The following TTC28 variants were observed in gnomAD, a reference collection of about 807,000 sequenced individuals.
TTC28 encodes the protein tetratricopeptide repeat domain 28.
Under a neutral mutation model 198.0 loss-of-function variants are expected in TTC28, and 61 were observed. The ratio of observed to expected loss-of-function variants is 0.31; its 90% CI spans 0.25 to 0.38. The LOEUF (loss-of-function observed/expected upper bound fraction) is 0.38, where lower values mean the gene tolerates loss of function less well. Among genes scored for constraint, TTC28 ranks in the 10% least tolerant of loss-of-function variants. The pLI is 1.00. For synonymous variants in TTC28, 1,171 were observed against 1,297.8 expected (o/e 0.90, Z 2.10); for missense variants, 2,678 against 3,164.0 (o/e 0.85, Z 3.69).
At chr22:28,477,175 C>T (rs2048179232) in intron 2 of TTC28, among the ~76,000 whole-genome samples, 1 of 152,180 alleles carries the variant, frequency 6.6e-6, no homozygotes, top group South Asian at 2.1e-4. Context: ...AAATGTTCAA[C>T]ATCTTACTGA....
intron 12 of TTC28, among the ~76,000 whole-genome samples, chr22:28,037,639 T>A (rs1327314327): frequency 1.3e-5 from 2 of 152,160 alleles, no homozygotes; most frequent in Non-Finnish European, 2.9e-5. Context: ...ACCACTCCTA[T>A]TCAACATAGT....
chr22:28,669,940 G>C lies in TTC28; in HGVS notation c.102+9682C>G, dbSNP rs998636931. Reference sequence around the variant, plus strand: ...CTGGATTAAATAAGTTTTTCCATATGCTTGAATTTTTTATACACACAGTAT... The same window carrying C: ...CTGGATTAAATAAGTTTTTCCATATCCTTGAATTTTTTATACACACAGTAT... On this transcript the variant is annotated intron_variant, in intron 1 of 22. Coordinates refer to ENST00000397906, the MANE Select transcript of TTC28 (RefSeq NM_001145418.2). 2.0e-5 allele frequency among the ~76,000 whole-genome samples: 3 copies of C among 151,792 alleles called. No homozygotes were observed. The East Asian group carries it at 5.8e-4, about 29-fold the overall frequency.
intron 2 of TTC28, among the ~76,000 whole-genome samples, chr22:28,537,177 C>T (rs1164886160): frequency 1.3e-5 from 2 of 151,390 alleles, no homozygotes; most frequent in Non-Finnish European, 3.0e-5. Context: ...CCTGTAGTCC[C>T]AGCTACTCGG....
At position 28,627,098 on chromosome 22, in the gene TTC28, T is replaced by C. The variant is rs946601937; in HGVS notation, c.381+2454A>G. The stretch of plus-strand genomic sequence containing the variant: ...ATATTTATAAGGCTCACTGCATCAA[T>C]TACAGGTTTAAAGAGAGAGAGAGAC... On this transcript the variant is annotated intron_variant, in intron 2 of 22. Transcript: ENST00000397906. Among the ~76,000 whole-genome samples, 4 of 151,928 alleles carry C rather than the reference T, an allele frequency of 2.6e-5. No individual in the cohort carries two copies. The South Asian group carries it at 8.3e-4, about 31-fold the overall frequency.
intron 2 of TTC28, among the ~76,000 whole-genome samples, chr22:28,532,220 G>A (rs2049156293): frequency 6.6e-6 from 1 of 151,808 alleles, no homozygotes; most frequent in African/African-American, 2.4e-5. Flanking sequence ...AATGATAAAG[G>A]GGATACCACC....
chr22:28,603,674 T>G (rs542224307), intron 2 of TTC28, among the ~76,000 whole-genome samples: 2 of 152,270 alleles, frequency 1.3e-5, no homozygotes, highest in South Asian at 4.1e-4. Context: ...AGATTACAAG[T>G]GTGAGCCACC....
chr22:28,082,163 T>C (rs2146811125), intron 12 of TTC28, among the ~76,000 whole-genome samples: 1 of 152,346 alleles, frequency 6.6e-6, no homozygotes, highest in South Asian at 2.1e-4. Context: ...GTAGAATCTT[T>C]CAAGTTTTCT....
intron 2 of TTC28, among the ~76,000 whole-genome samples, chr22:28,365,799 AGT>A (rs1185388069): frequency 1.3e-5 from 2 of 152,246 alleles, no homozygotes; most frequent in East Asian, 3.8e-4. Flanking sequence ...AAACATTACT[AGT>A]GAATGAAACA....
chr22:28,227,310 G>A (rs950957852), intron 5 of TTC28, among the ~76,000 whole-genome samples: 6 of 152,140 alleles, frequency 3.9e-5, no homozygotes, highest in African/African-American at 1.4e-4. Context: ...TTGAGGAAAA[G>A]CTTCGTGACA....
intron 5 of TTC28, among the ~76,000 whole-genome samples, chr22:28,177,937 T>C (rs1468246497): frequency 6.6e-6 from 1 of 152,120 alleles, no homozygotes; most frequent in Non-Finnish European, 1.5e-5. Flanking sequence ...ACATTATAAA[T>C]TTGTCAAAAC....
chr22:28,059,294 C>T (rs1940415780), intron 12 of TTC28, among the ~76,000 whole-genome samples: 1 of 151,822 alleles, frequency 6.6e-6, no homozygotes, highest in Non-Finnish European at 1.5e-5. Flanking sequence ...TGTCAGTTTT[C>T]TTTATCATTT....
chr22:28,284,034 T>A (rs2044633946), intron 5 of TTC28, among the ~76,000 whole-genome samples: 1 of 152,182 alleles, frequency 6.6e-6, no homozygotes, highest in Non-Finnish European at 1.5e-5. Flanking sequence ...ACTTTTTACC[T>A]ACTACCACCC....
chr22:28,027,248 C>T (rs1246951211), intron 13 of TTC28, among the ~76,000 whole-genome samples: 1 of 152,238 alleles, frequency 6.6e-6, no homozygotes, highest in African/African-American at 2.4e-5. Flanking sequence ...AGGGCTGCTG[C>T]TCTGCCCTCT....
chr22:27,980,688 G>A lies in TTC28; in HGVS notation c.*1533C>T, dbSNP rs925732375. ...CATGAGGAACCCTGTAGTGAGGTGG[G>A]TAGGATTTTAATTTTAGAATTACCT... On this transcript the variant is annotated 3_prime_UTR_variant, in exon 23 of 23. Transcript: ENST00000397906. 6.6e-6 allele frequency: 1 copy of A among 150,594 alleles called. No homozygotes were observed. Among genetic ancestry groups the A allele is most frequent in the African/African-American group, 2.5e-5 (1 of 40,472 alleles). 9.3% of individuals were successfully genotyped at this position (150,594 alleles called of 1,614,324 possible).
chr22:28,030,149 C>T, intron 13 of TTC28, 77 bp downstream of exon 13: 1 of 1,506,892 alleles, frequency 6.6e-7, no homozygotes, highest in South Asian at 1.3e-5. Flanking sequence ...CTGGAAGGAG[C>T]ATCCACTGAA....
At chr22:28,279,123 G>A (rs2044529510) in intron 5 of TTC28, among the ~76,000 whole-genome samples, 1 of 152,036 alleles carries the variant, frequency 6.6e-6, no homozygotes, top group South Asian at 2.1e-4. Context: ...CAAAAGAACT[G>A]TACAGTGAAT....
chr22:28,568,441 T>C (rs770308930), intron 2 of TTC28, among the ~76,000 whole-genome samples: 1 of 152,166 alleles, frequency 6.6e-6, no homozygotes, highest in Non-Finnish European at 1.5e-5. Flanking sequence ...ACAGATGATA[T>C]GATGCTATAC....
chr22:28,563,598 T>C (rs1196436352), intron 2 of TTC28, among the ~76,000 whole-genome samples: 11 of 152,038 alleles, frequency 7.2e-5, no homozygotes, highest in Admixed American at 5.9e-4. Context: ...AAAACCACAA[T>C]AAGGTACCAC....
chr22:28,077,232 T>C (rs895159770), intron 12 of TTC28, among the ~76,000 whole-genome samples: 1 of 152,202 alleles, frequency 6.6e-6, no homozygotes, highest in African/African-American at 2.4e-5. Flanking sequence ...TTCCTGTTCA[T>C]GCACAAGACT....
Sources: gnomAD v4.1 joint callset for allele counts (sites outside exome capture counted in the v4.1 genomes callset) on GRCh38, gnomAD v4.1.1 for gene constraint, MANE v1.5 for transcripts, NCBI Gene and HGNC (gene_info 2026-07-23, HGNC 2026-07-21) for gene names.